The following PRPF6 variants were observed in gnomAD, a reference collection of about 807,000 sequenced individuals.
PRPF6 encodes pre-mRNA processing factor 6.
In PRPF6, 42 loss-of-function variants were observed where a neutral mutation model predicts 118.3. The ratio of observed to expected loss-of-function variants is 0.35; its 90% CI spans 0.28 to 0.46. The LOEUF (loss-of-function observed/expected upper bound fraction) is 0.46, where lower values mean the gene tolerates loss of function less well. Among genes scored for constraint, PRPF6 ranks in the 20% least tolerant of loss-of-function variants. The probability of loss-of-function intolerance (pLI) is 1.00; values close to 1 mark genes in which losing one functional copy is unlikely to be tolerated. For synonymous variants in PRPF6, 481 were observed against 485.1 expected, an observed-to-expected ratio of 0.99 and a Z score of 0.11; for missense variants, 662 against 1,255.7, an observed-to-expected ratio of 0.53 and a Z score of 7.15.
At chr20:63,990,045 G>C (rs1190253581) in intron 3 of PRPF6, among the ~76,000 whole-genome samples, 2 of 151,832 alleles carry the variant, frequency 1.3e-5, no homozygotes, top group East Asian at 3.9e-4. Flanking sequence ...GTAGAGACAG[G>C]GTTTTACCAT....
In PRPF6 at chr20:63,999,631, A is replaced by G. The variant is rs768491729; in HGVS notation, c.895A>G (p.Lys299Glu). ...TATCAAGAAGGCGCGACTGCTCCTC[A>G]AGTCTGTTCGGGAGACGAACCCTCA... ...NDIKKARLLL[K>E]SVRETNPHHP... Residue 299 changes from lysine to glutamate, a missense_variant, in exon 8 of 21, where the codon AAG (lysine) becomes GAG (glutamate). Transcript: ENST00000266079. 1.2e-6 allele frequency: 2 copies of G among 1,613,990 alleles called. No homozygotes were observed. The highest frequency in any genetic ancestry group is 8.5e-7 in the Non-Finnish European group (1 of 1,180,034).
Position 63,994,846 on chromosome 20 carries a change from G to C in PRPF6, c.439-70G>C, listed in dbSNP as rs6011249. On this transcript the variant is annotated intron_variant, in intron 4 of 20. Coordinates refer to ENST00000266079, the MANE Select transcript of PRPF6 (RefSeq NM_012469.4). ...GATCTGGAGGCTAGGGGTGAGAGAG[G>C]GCATGGTCCTACCTGGGCACATGAA... 1.0e-3 allele frequency: 1,643 copies of C among 1,589,588 alleles called. 19 individuals are homozygous for C. The African/African-American group carries it at 0.019, about 19-fold the overall frequency.
intron 9 of PRPF6, among the ~76,000 whole-genome samples, chr20:64,008,718 G>A (rs2059201358): frequency 6.6e-6 from 1 of 152,214 alleles, no homozygotes. Flanking sequence ...GGGAAAGACA[G>A]AATAGATATT....
intron 6 of PRPF6, among the ~76,000 whole-genome samples, chr20:63,997,489 C>T (rs1397114461): frequency 6.7e-6 from 1 of 148,540 alleles, no homozygotes; most frequent in African/African-American, 2.5e-5. Context: ...CGGAGCCTGG[C>T]ACCGTCACCC....
chr20:64,000,343 G>A (rs1385392646), intron 8 of PRPF6, among the ~76,000 whole-genome samples: 1 of 151,280 alleles, frequency 6.6e-6, no homozygotes. Flanking sequence ...ATGAAAGTTA[G>A]CCAGGCGTCG....
chr20:64,011,646 T>C lies in PRPF6; in HGVS notation c.1524+143T>C. ...AGCAGGCACAGGTGTGAATGGGCCC[T>C]GAGGGACCTGGGCATGCCCACTGTC... is the stretch of plus-strand genomic sequence containing the variant. On this transcript the variant is annotated intron_variant, in intron 11 of 20. Coordinates refer to ENST00000266079, the MANE Select transcript of PRPF6 (RefSeq NM_012469.4). The surrounding 1 kb of genome is among the most constrained non-coding windows in gnomAD (Gnocchi z 6.7). 1 of 901,680 alleles carries C rather than the reference T, an allele frequency of 1.1e-6. No homozygotes were observed. Among genetic ancestry groups the C allele is most frequent in the Non-Finnish European group, 1.7e-6 (1 of 574,126 alleles). The allele number at this position is 901,680 out of a possible 1,614,324, so 55.9% of individuals were successfully genotyped here. A position where few individuals can be genotyped will look rare whatever the true frequency, so the allele number is the denominator to read the frequency against.
intron 2 of PRPF6, among the ~76,000 whole-genome samples, chr20:63,983,451 A>G (rs112816868): frequency 0.011 from 1,632 of 149,758 alleles, 68 homozygotes; most frequent in African/African-American, 0.038. Flanking sequence ...CTGCCTTGGC[A>G]TTTTCTATTG....
At chr20:64,006,233 G>T (rs2059189268) in intron 9 of PRPF6, among the ~76,000 whole-genome samples, 1 of 152,112 alleles carries the variant, frequency 6.6e-6, no homozygotes, top group Non-Finnish European at 1.5e-5. Flanking sequence ...TCCAGCCAGG[G>T]CTGGTACATG....
chr20:64,024,937 A>C (rs1336318151), intron 14 of PRPF6, among the ~76,000 whole-genome samples: 4 of 152,136 alleles, frequency 2.6e-5, no homozygotes, highest in Admixed American at 2.6e-4. Context: ...TAAATGTTTC[A>C]GAACATGGAA....
chr20:63,981,370 G>A, intron 1 of PRPF6, 54 bp downstream of exon 1: 2 of 1,504,172 alleles, frequency 1.3e-6, no homozygotes, highest in South Asian at 2.4e-5. Flanking sequence ...GGAGCGCAGT[G>A]CTTTGGGGCG....
At chr20:63,994,875 C>T in intron 4 of PRPF6, 41 bp from the exon 5 acceptor site, 1 of 1,613,484 alleles carries the variant, frequency 6.2e-7, no homozygotes, top group Non-Finnish European at 8.5e-7. Flanking sequence ...ACATGAAATT[C>T]TGTCAGAGAA....
chr20:64,022,997 G>GC, intron 13 of PRPF6, 119 bp downstream of exon 13: 1 of 1,496,662 alleles, frequency 6.7e-7, no homozygotes, highest in Non-Finnish European at 9.2e-7. Flanking sequence ...TTGAGGTCTG[G>GC]CCCTCTGGTT....
In PRPF6 at chr20:63,985,018, G is replaced by C; in HGVS notation, c.352G>C (p.Glu118Gln). 6.2e-7 allele frequency: 1 copy of C among 1,611,874 alleles called. No individual in the cohort carries two copies. Among genetic ancestry groups the C allele is most frequent in the Non-Finnish European group, 8.5e-7 (1 of 1,178,490 alleles). Reference sequence around the variant, plus strand: ...TAAAAGGATGGATGAAAGAAGAAAAGAAAGACGGTAAAAGAAATTGTTGCC... The same window carrying C: ...TAAAAGGATGGATGAAAGAAGAAAACAAAGACGGTAAAAGAAATTGTTGCC... Reference protein sequence around the residue: ...LDKRMDERRKERREQREKEEI... With the variant: ...LDKRMDERRKQRREQREKEEI... Residue 118 changes from glutamate (E) to glutamine (Q), a missense_variant, in exon 3 of 21, where the codon GAA becomes CAA. Glu to Gln is a conservative substitution (Grantham distance 29). This residue lies in a region of PRPF6 where 20 missense variants were observed against 69.4 expected (regional missense o/e 0.29). Coordinates refer to ENST00000266079, the MANE Select transcript of PRPF6 (RefSeq NM_012469.4).
At chr20:64,017,607 G>A (rs1319108923) in intron 12 of PRPF6, among the ~76,000 whole-genome samples, 3 of 151,456 alleles carry the variant, frequency 2.0e-5, no homozygotes, top group Non-Finnish European at 1.5e-5. Context: ...CCACGGTGCT[G>A]GGATCACAGG....
chr20:63,996,892 G>A (rs1178228522), intron 6 of PRPF6, among the ~76,000 whole-genome samples: 5 of 152,118 alleles, frequency 3.3e-5, no homozygotes, highest in African/African-American at 1.2e-4. Flanking sequence ...TCGCGCCTCT[G>A]CACACCAGCC....
chr20:63,986,742 C>T (rs920636083), intron 3 of PRPF6, among the ~76,000 whole-genome samples: 1 of 151,960 alleles, frequency 6.6e-6, no homozygotes. Flanking sequence ...CCTGCCTCGG[C>T]CTCCCAAAGT....
At chr20:64,032,158 C>T (rs1272699360) in intron 20 of PRPF6, 114 bp downstream of exon 20, 61 of 1,526,232 alleles carry the variant, frequency 4.0e-5, no homozygotes, top group Admixed American at 1.0e-4. Flanking sequence ...TGCCCGGGGT[C>T]GGGAGGATGG....
At position 64,001,048 on chromosome 20, in the gene PRPF6, C is replaced by T. The variant is rs141874366; in HGVS notation, c.1024-29C>T. 6.6e-4 allele frequency: 1,069 copies of T among 1,612,494 alleles called. 11 individuals are homozygous for T. The African/African-American group carries it at 0.013, about 19-fold the overall frequency. On this transcript the variant is annotated intron_variant, in intron 8 of 20. Coordinates refer to ENST00000266079, the MANE Select transcript of PRPF6 (RefSeq NM_012469.4). ...GTTGCGGCTTCCAGCCTGCACTGAG[C>T]CTTATTGGTCTTATCTCTTGCCTCA... is the stretch of plus-strand genomic sequence containing the variant.
intron 12 of PRPF6, 94 bp downstream of exon 12, chr20:64,016,939 C>A: frequency 4.7e-6 from 6 of 1,285,744 alleles, no homozygotes; most frequent in Non-Finnish European, 5.4e-6. Flanking sequence ...TTTTAAAACT[C>A]TTTTTTTTTT....
Sources: gnomAD v4.1 joint callset for allele counts (sites outside exome capture counted in the v4.1 genomes callset) on GRCh38, gnomAD v4.1.1 for gene constraint, gnomAD v4.1.1 regional missense constraint, Gnocchi (gnomAD v3.1) non-coding constraint, MANE v1.5 for transcripts, NCBI Gene and HGNC (gene_info 2026-07-23, HGNC 2026-07-21) for gene names.